Variants in LRPPRC observed in about 807,000 individuals in gnomAD.
The protein encoded by LRPPRC is leucine rich pentatricopeptide repeat containing.
LRPPRC carries 120 observed loss-of-function variants against 180.3 expected under a neutral mutation model. The observed-to-expected ratio is 0.67, with a 90% CI of 0.57 to 0.77. LRPPRC has a LOEUF of 0.77. Ranked by LOEUF, LRPPRC falls within the 30% of genes least tolerant of loss-of-function variation. The pLI, the probability that LRPPRC is intolerant of heterozygous loss-of-function variation, is 0.00. For synonymous variants in LRPPRC, 723 were observed against 600.0 expected (o/e 1.21, Z -3.00); for missense variants, 2,012 against 1,657.2 (o/e 1.21, Z -3.72).
chr2:43,913,754 T>C (rs781526000), intron 29 of LRPPRC, among the ~76,000 whole-genome samples: 1 of 152,208 alleles, frequency 6.6e-6, no homozygotes, highest in South Asian at 2.1e-4. Context: ...AATTTCCAAG[T>C]GCTTTACACT....
chr2:43,945,698 C>T (rs1259990248), intron 21 of LRPPRC, among the ~76,000 whole-genome samples: 1 of 152,054 alleles, frequency 6.6e-6, no homozygotes, highest in African/African-American at 2.4e-5. Context: ...GTGATTCTAA[C>T]CTTCATCACG....
At chr2:43,907,624 A>T (rs1375586132) in intron 30 of LRPPRC, among the ~76,000 whole-genome samples, 1 of 152,216 alleles carries the variant, frequency 6.6e-6, no homozygotes, top group East Asian at 1.9e-4. Context: ...TAACTAATTT[A>T]AATTTAAGCA....
At chr2:43,985,516 G>A (rs1180934289) in intron 1 of LRPPRC, among the ~76,000 whole-genome samples, 1 of 151,990 alleles carries the variant, frequency 6.6e-6, no homozygotes, top group Non-Finnish European at 1.5e-5. Flanking sequence ...CGAACCCCTG[G>A]CAACCACTGA....
At chr2:43,992,850 G>A (rs1022761274) in intron 1 of LRPPRC, among the ~76,000 whole-genome samples, 6 of 152,156 alleles carry the variant, frequency 3.9e-5, no homozygotes, top group Non-Finnish European at 8.8e-5. Context: ...AGTACCTATA[G>A]TTCAAGCAGG....
chr2:43,922,382 G>C (rs925937354), intron 27 of LRPPRC, among the ~76,000 whole-genome samples: 2 of 152,138 alleles, frequency 1.3e-5, no homozygotes, highest in Non-Finnish European at 2.9e-5. Flanking sequence ...GAAAGGAACC[G>C]TTTTAAAATA....
In LRPPRC at chr2:43,982,338, C is replaced by T. The variant is rs6741066; in HGVS notation, c.246G>A (p.Gln82=). The part of the protein sequence containing the change: ...STFSSRKISN[Q]FDWALMRLDL... ...CTAGTCTCATTAGAGCCCAATCAAA[C>T]TGATTGGAAATCTTCCTAGAAGAAA... The change falls in exon 2 of 38, where the codon CAG becomes CAA. Residue 82 remains glutamine (Q), a synonymous_variant. Coordinates refer to ENST00000260665, the MANE Select transcript of LRPPRC (RefSeq NM_133259.4). 0.69 allele frequency: 1,118,407 copies of T among 1,612,704 alleles called. 401,561 individuals carry two copies. The highest frequency in any genetic ancestry group is 0.74 in the Non-Finnish European group (867,489 of 1,179,070).
At chr2:43,981,282 C>G (rs537591485) in intron 2 of LRPPRC, among the ~76,000 whole-genome samples, 10 of 148,368 alleles carry the variant, frequency 6.7e-5, no homozygotes, top group African/African-American at 1.3e-4. Context: ...GTAAGAAAAA[C>G]TAGTTATCTT....
In LRPPRC at chr2:43,943,839, T is replaced by A. The variant is rs367769860; in HGVS notation, c.2352A>T (p.Thr784=). 3 of 1,613,372 alleles carry A rather than the reference T, an allele frequency of 1.9e-6. No individual in the cohort carries two copies. The highest frequency in any genetic ancestry group is 2.5e-6 in the Non-Finnish European group (3 of 1,179,388). The change falls in exon 23 of 38, where the codon ACA becomes ACT. Residue 784 remains threonine (T), a synonymous_variant. Coordinates refer to ENST00000260665, the MANE Select transcript of LRPPRC (RefSeq NM_133259.4). ...GCATGTGGAAAAAGGACAAGGCTGT[T>A]GTATCTTTGATAAGAACATCCTTCT... ...MKEKDVLIKD[T]TALSFFHMLN... is the part of the protein sequence containing the mutation.
rs112432139 is a variant in LRPPRC at position 43,956,676 on chromosome 2, G to T, written c.1649+709C>A. Among the ~76,000 whole-genome samples the T allele has an allele frequency of 9.3e-3, 1,415 of 152,240 alleles. 25 individuals carry two copies. Among genetic ancestry groups the T allele is most frequent in the African/African-American group, 0.032 (1,334 of 41,534 alleles). On this transcript the variant is annotated intron_variant, in intron 14 of 37. Coordinates refer to ENST00000260665, the MANE Select transcript of LRPPRC (RefSeq NM_133259.4). ...AGGCCGAGGCAGGTGAATCACCTGA[G>T]GTCAGGAGTTCGAGACCAACCTGGC...
chr2:43,903,894 G>A (rs1369161947), intron 31 of LRPPRC: 3 of 152,136 alleles, frequency 2.0e-5, no homozygotes, highest in Non-Finnish European at 2.9e-5. Flanking sequence ...ACTTTTCATT[G>A]TTTTAAAATT....
In LRPPRC at chr2:43,899,463, T is replaced by C; in HGVS notation, c.3709+3A>G. On this transcript the variant is annotated splice_donor_region_variant and intron_variant, in intron 33 of 37. Coordinates refer to ENST00000260665, the MANE Select transcript of LRPPRC (RefSeq NM_133259.4). ...TGTTCTTTAGCACAAACAACTAACT[T>C]ACTCTTTTCAACTGCTGGTTCCAAC... The C allele has an allele frequency of 1.2e-6, 2 of 1,614,202 alleles. No individual in the cohort carries two copies. The highest frequency in any genetic ancestry group is 1.7e-6 in the Non-Finnish European group (2 of 1,180,024).
At chr2:43,924,474 ATGGAAAT>A (rs1241555120) in intron 27 of LRPPRC, among the ~76,000 whole-genome samples, 1 of 152,234 alleles carries the variant, frequency 6.6e-6, no homozygotes, top group African/African-American at 2.4e-5. Flanking sequence ...GAAATGGAAA[ATGGAAAT>A]CTATTCACAA....
intron 2 of LRPPRC, among the ~76,000 whole-genome samples, chr2:43,981,851 G>A (rs539393669): frequency 6.6e-6 from 1 of 152,120 alleles, no homozygotes; most frequent in Admixed American, 6.5e-5. Context: ...AGTAATTGCA[G>A]CCATTATGTT....
At chr2:43,947,654 T>G (rs956606087) in intron 19 of LRPPRC, 77 bp downstream of exon 19, 12 of 920,098 alleles carry the variant, frequency 1.3e-5, no homozygotes, top group Non-Finnish European at 1.8e-5. Context: ...AATCACTGGT[T>G]TTATAAGTAC....
At chr2:43,908,407 G>A (rs1416004666) in intron 30 of LRPPRC, among the ~76,000 whole-genome samples, 1 of 152,184 alleles carries the variant, frequency 6.6e-6, no homozygotes, top group African/African-American at 2.4e-5. Flanking sequence ...ATGGCTTATT[G>A]GGAAGGTTAA....
At chr2:43,976,007 A>G (rs1051681872) in intron 6 of LRPPRC, 136 bp downstream of exon 6, 3 of 624,534 alleles carry the variant, frequency 4.8e-6, no homozygotes, top group Non-Finnish European at 8.6e-6. Flanking sequence ...GGGATAGACA[A>G]ATGTATTTTA....
chr2:43,931,650 T>G (rs1672092101), intron 25 of LRPPRC, among the ~76,000 whole-genome samples: 1 of 152,170 alleles, frequency 6.6e-6, no homozygotes, highest in Non-Finnish European at 1.5e-5. Context: ...TATGACACTT[T>G]ACTCAGTCAT....
intron 12 of LRPPRC, 159 bp downstream of exon 12, chr2:43,963,428 GA>G: frequency 1.5e-6 from 1 of 663,172 alleles, no homozygotes; most frequent in South Asian, 1.7e-5. Context: ...TGGGCAATGA[GA>G]GAGAAACTCC....
At chr2:43,892,653 A>G (rs1391618420) in intron 36 of LRPPRC, 1 of 152,170 alleles carries the variant, frequency 6.6e-6, no homozygotes, top group Non-Finnish European at 1.5e-5. Context: ...CCCATAGATC[A>G]AGGAGTAATC....
Sources: allele counts gnomAD v4.1 joint callset (sites outside exome capture counted in the v4.1 genomes callset), GRCh38; gene constraint gnomAD v4.1.1; transcripts MANE v1.5; gene names NCBI Gene and HGNC (gene_info 2026-07-23, HGNC 2026-07-21).